Variants in TMPRSS15 observed in about 807,000 individuals in gnomAD.
TMPRSS15 encodes the protein enteropeptidase.
TMPRSS15 carries 128 observed loss-of-function variants against 125.3 expected under a neutral mutation model. The observed-to-expected ratio is 1.02, with a 90% CI of 0.89 to 1.18. The LOEUF is 1.18. TMPRSS15 is among the 50% of genes most tolerant of loss of function. TMPRSS15 has a pLI of 0.00. For missense variants in TMPRSS15, 1,283 were observed against 1,212.7 expected (o/e 1.06, Z -0.86); for synonymous variants, 446 against 423.2 (o/e 1.05, Z -0.66).
intron 1 of TMPRSS15, chr21:18,460,686 C>G (rs1258629584): frequency 6.6e-6 from 1 of 152,194 alleles, no homozygotes; most frequent in East Asian, 1.9e-4. Flanking sequence ...TAGAATTCCT[C>G]TCACTCATGT....
At chr21:18,372,866 C>G (rs1039694199) in intron 5 of TMPRSS15, among the ~76,000 whole-genome samples, 3 of 152,174 alleles carry the variant, frequency 2.0e-5, no homozygotes, top group African/African-American at 7.2e-5. Context: ...TTCACTTGCC[C>G]CACTTTCATA....
intron 1 of TMPRSS15, among the ~76,000 whole-genome samples, chr21:18,418,681 T>G (rs769906921): frequency 1.6e-4 from 25 of 152,232 alleles, no homozygotes; most frequent in Non-Finnish European, 2.8e-4. Flanking sequence ...TAGCTGCTAC[T>G]TATAGCTGTG....
intron 18 of TMPRSS15, among the ~76,000 whole-genome samples, chr21:18,306,065 T>C (rs1379482110): frequency 6.6e-6 from 1 of 152,200 alleles, no homozygotes; most frequent in East Asian, 1.9e-4. Context: ...ATGTAAAATA[T>C]TATTTATTTC....
chr21:18,439,035 G>A (rs889625554), intron 1 of TMPRSS15, among the ~76,000 whole-genome samples: 2 of 152,032 alleles, frequency 1.3e-5, no homozygotes, highest in Admixed American at 1.3e-4. Flanking sequence ...TAAAAATGTT[G>A]AAAACAATCA....
At chr21:18,367,024 T>C (rs1287751650) in intron 6 of TMPRSS15, among the ~76,000 whole-genome samples, 1 of 152,112 alleles carries the variant, frequency 6.6e-6, no homozygotes, top group Non-Finnish European at 1.5e-5. Context: ...TTTGCTTTTT[T>C]TTGGTATATA....
intron 21 of TMPRSS15, among the ~76,000 whole-genome samples, chr21:18,287,269 C>T (rs2074776375): frequency 6.6e-6 from 1 of 152,094 alleles, no homozygotes; most frequent in South Asian, 2.1e-4. Flanking sequence ...AAACAGTAAG[C>T]AATCCAAGAG....
intron 1 of TMPRSS15, among the ~76,000 whole-genome samples, chr21:18,427,509 A>G (rs2076205472): frequency 6.6e-6 from 1 of 152,200 alleles, no homozygotes; most frequent in Non-Finnish European, 1.5e-5. Context: ...ATAAAAAGCT[A>G]TTTATTTTAG....
chr21:18,453,285 C>G (rs1011812741), intron 1 of TMPRSS15, among the ~76,000 whole-genome samples: 39 of 152,230 alleles, frequency 2.6e-4, no homozygotes, highest in African/African-American at 7.0e-4. Flanking sequence ...TCCATGAAGG[C>G]CCTCCAGATA....
chr21:18,380,338 A>G (rs945056549), intron 4 of TMPRSS15, among the ~76,000 whole-genome samples: 1 of 152,118 alleles, frequency 6.6e-6, no homozygotes, highest in African/African-American at 2.4e-5. Context: ...TTGGAAATGT[A>G]TATCCTTGGC....
At chr21:18,450,842 T>C (rs62215053) in intron 1 of TMPRSS15, among the ~76,000 whole-genome samples, 2,064 of 152,278 alleles carry the variant, frequency 0.014, 24 homozygotes, top group African/African-American at 0.028. Flanking sequence ...CAGAGGTAAA[T>C]GCAAGCCTTG....
At chr21:18,467,423 T>TAAA (rs945664001) in intron 1 of TMPRSS15, among the ~76,000 whole-genome samples, 12 of 151,482 alleles carry the variant, frequency 7.9e-5, no homozygotes, top group Non-Finnish European at 1.5e-4. Context: ...ATAATAATAA[T>TAAA]AAACTAAGTT....
intron 1 of TMPRSS15, among the ~76,000 whole-genome samples, chr21:18,454,409 T>C (rs938668602): frequency 6.6e-6 from 1 of 152,010 alleles, no homozygotes; most frequent in Non-Finnish European, 1.5e-5. Context: ...GCAGAACCAA[T>C]AGGATATATA....
chr21:18,380,167 T>TCA (rs34787707), intron 4 of TMPRSS15, among the ~76,000 whole-genome samples: 51,980 of 139,148 alleles, frequency 0.37, 9,682 homozygotes, highest in Non-Finnish European at 0.43. Flanking sequence ...TATGGAGATG[T>TCA]CACACACACA....
At chr21:18,485,294 C>T (rs1226804140) in intron 1 of TMPRSS15, among the ~76,000 whole-genome samples, 1 of 151,716 alleles carries the variant, frequency 6.6e-6, no homozygotes, top group Admixed American at 6.6e-5. Context: ...CTCTTTATTT[C>T]AATCTTTATG....
chr21:18,400,742 A>G (rs939806563), intron 1 of TMPRSS15, among the ~76,000 whole-genome samples: 1 of 152,198 alleles, frequency 6.6e-6, no homozygotes, highest in African/African-American at 2.4e-5. Context: ...GCCTAATTAA[A>G]CTAAAGATCT....
In TMPRSS15 at chr21:18,313,034, C is replaced by T; in HGVS notation, c.2076G>A (p.Arg692=). 2 of 1,613,910 alleles carry T rather than the reference C, an allele frequency of 1.2e-6. No homozygotes were observed. Among genetic ancestry groups the T allele is most frequent in the Non-Finnish European group, 1.7e-6 (2 of 1,179,930 alleles). ...NGTTNNNGLV[R]FRIQSIWHTA... is the part of the protein sequence containing the mutation. Reference sequence around the variant, plus strand: ...TATGCCATATGCTCTGGATTCTGAACCGCACTAAACCATTGTTGTTCGTTG... The same window carrying T: ...TATGCCATATGCTCTGGATTCTGAATCGCACTAAACCATTGTTGTTCGTTG... The change falls in exon 18 of 25, where the codon CGG becomes CGA. Residue 692 remains arginine (R), a synonymous_variant. Transcript: ENST00000284885.
intron 5 of TMPRSS15, among the ~76,000 whole-genome samples, chr21:18,376,373 C>T (rs953427211): frequency 6.6e-6 from 1 of 152,012 alleles, no homozygotes; most frequent in African/African-American, 2.4e-5. Flanking sequence ...AGAAAAAGAA[C>T]GATTCCTAAA....
chr21:18,456,484 T>C (rs1978443457), intron 1 of TMPRSS15, among the ~76,000 whole-genome samples: 1 of 152,114 alleles, frequency 6.6e-6, no homozygotes, highest in African/African-American at 2.4e-5. Flanking sequence ...TCAGGACATT[T>C]CAATTGAACT....
At chr21:18,425,166 T>C (rs2076200120) in intron 1 of TMPRSS15, among the ~76,000 whole-genome samples, 1 of 151,952 alleles carries the variant, frequency 6.6e-6, no homozygotes, top group Admixed American at 6.6e-5. Context: ...CCAAAATGTC[T>C]TCCAGAAAAC....
Sources: allele counts gnomAD v4.1 joint callset (sites outside exome capture counted in the v4.1 genomes callset), GRCh38; gene constraint gnomAD v4.1.1; transcripts MANE v1.5; gene names NCBI Gene and HGNC (gene_info 2026-07-23, HGNC 2026-07-21).